The following KAZN variants were observed in gnomAD, a reference collection of about 807,000 sequenced individuals.
KAZN encodes the protein kazrin, periplakin interacting protein, also known as kazrin.
In KAZN, 40 loss-of-function variants were observed where a neutral mutation model predicts 87.4. The observed-to-expected ratio is 0.46, with a 90% CI of 0.36 to 0.60. The LOEUF is 0.60. KAZN is among the 20% of genes least tolerant of loss of function. The pLI is 0.00. For synonymous variants in KAZN, 466 were observed against 458.3 expected, an observed-to-expected ratio of 1.02 and a Z score of -0.22; for missense variants, 898 against 1,073.9, an observed-to-expected ratio of 0.84 and a Z score of 2.29.
chr1:14,099,701 A>C (rs1219739450), intron 1 of KAZN, among the ~76,000 whole-genome samples: 1 of 152,184 alleles, frequency 6.6e-6, no homozygotes, highest in Non-Finnish European at 1.5e-5. Context: ...ACCAAAGCTA[A>C]AATGCAGACA....
intron 1 of KAZN, among the ~76,000 whole-genome samples, chr1:13,955,606 T>C (rs1181561066): frequency 6.6e-6 from 1 of 152,142 alleles, no homozygotes; most frequent in African/African-American, 2.4e-5. Flanking sequence ...AAAGATGTTC[T>C]CCACCTCAGG....
intron 2 of KAZN, among the ~76,000 whole-genome samples, chr1:14,326,354 A>G (rs940827084): frequency 4.6e-5 from 7 of 152,046 alleles, no homozygotes; most frequent in African/African-American, 1.2e-4. Context: ...TATTAGCTCT[A>G]TCCTCTTCAA....
chr1:14,114,394 G>T (rs1307804126), intron 1 of KAZN, among the ~76,000 whole-genome samples: 1 of 152,028 alleles, frequency 6.6e-6, no homozygotes, highest in Admixed American at 6.5e-5. Flanking sequence ...CTGGCGATTT[G>T]CAGAATCAGG....
At chr1:14,194,211 G>C (rs534945966) in intron 2 of KAZN, among the ~76,000 whole-genome samples, 1 of 152,112 alleles carries the variant, frequency 6.6e-6, no homozygotes, top group African/African-American at 2.4e-5. Context: ...ACGCATGGGG[G>C]CAAACAAGCA....
intron 4 of KAZN, 53 bp downstream of exon 4, chr1:15,044,212 T>C (rs1387373528): frequency 9.1e-6 from 11 of 1,210,408 alleles, no homozygotes; most frequent in Non-Finnish European, 1.2e-5. Flanking sequence ...AGTGCCGTGC[T>C]GGGAGCCGGG....
intron 1 of KAZN, among the ~76,000 whole-genome samples, chr1:14,093,313 C>T (rs1224321253): frequency 6.6e-6 from 1 of 152,166 alleles, no homozygotes; most frequent in Admixed American, 6.5e-5. Context: ...TTTAGGAGTC[C>T]TGGACCACCA....
At chr1:14,979,795 C>T (rs76899002) in intron 2 of KAZN, among the ~76,000 whole-genome samples, 2,414 of 152,210 alleles carry the variant, frequency 0.016, 53 homozygotes, top group African/African-American at 0.054. Context: ...ACTGGTATTA[C>T]GGGATTATAA....
chr1:14,930,163 G>GGGGA (rs1166629401), intron 1 of KAZN: 1 of 799,634 alleles, frequency 1.3e-6, no homozygotes, highest in Non-Finnish European at 1.5e-6. Context: ...GCTGGACACT[G>GGGGA]GGGACTGTTT....
chr1:14,894,510 C>A (rs142179076), intron 1 of KAZN, among the ~76,000 whole-genome samples: 58 of 152,338 alleles, frequency 3.8e-4, no homozygotes, highest in African/African-American at 1.2e-3. Flanking sequence ...CCTCATGGCA[C>A]GTGACACTTG....
intron 5 of KAZN, among the ~76,000 whole-genome samples, chr1:15,057,676 G>A (rs1040851772): frequency 1.3e-5 from 2 of 152,162 alleles, no homozygotes; most frequent in South Asian, 2.1e-4. Flanking sequence ...AAAACTGCTC[G>A]GGGCCAGCAT....
At chr1:14,004,972 C>T (rs899279759) in intron 1 of KAZN, among the ~76,000 whole-genome samples, 3 of 151,408 alleles carry the variant, frequency 2.0e-5, no homozygotes, top group Non-Finnish European at 2.9e-5. Flanking sequence ...CATGGGATGC[C>T]ACAGAGAGTC....
chr1:14,596,306 GCGCACACA>G (rs1244946717), upstream of KAZN, among the ~76,000 whole-genome samples: 1 of 61,556 alleles, frequency 1.6e-5, no homozygotes, highest in African/African-American at 1.0e-4. Context: ...GCACACGTGT[GCGCACACA>G]CACACACACA....
At chr1:14,182,925 G>A (rs2100323351) in intron 2 of KAZN, among the ~76,000 whole-genome samples, 1 of 152,212 alleles carries the variant, frequency 6.6e-6, no homozygotes, top group East Asian at 1.9e-4. Context: ...TTTTTGTGTT[G>A]CAGGATGTAA....
chr1:14,675,992 G>A (rs779823345), intron 1 of KAZN, among the ~76,000 whole-genome samples: 4 of 152,160 alleles, frequency 2.6e-5, no homozygotes, highest in South Asian at 2.1e-4. Context: ...TCTGAAAAAG[G>A]GGCCAAAATA....
Position 14,296,629 on chromosome 1 carries a change from CTTTTTTT to C in KAZN, c.249+116055_249+116061del, listed in dbSNP as rs775666706. 8.0e-4 allele frequency among the ~76,000 whole-genome samples: 66 copies of C among 82,764 alleles called. No individual in the cohort carries two copies. In the East Asian group the frequency reaches 0.017, roughly 21 times the overall value. The allele number at this position is 82,764 out of a possible 152,430, so 54.3% of individuals were successfully genotyped here. A position where few individuals can be genotyped will look rare whatever the true frequency, so the allele number is the denominator to read the frequency against. Reference sequence around the variant, plus strand: ...AATGTAGGGCTGAGTTTTTGTATTTCTTTTTTTTTTTTTTTTTTTTTTTTGAGACAAA... The same window carrying C: ...AATGTAGGGCTGAGTTTTTGTATTTCTTTTTTTTTTTTTTTTTGAGACAAA... On this transcript the variant is annotated intron_variant, in intron 2 of 16. Transcript: ENST00000636203.
chr1:14,345,254 G>A (rs6672340), intron 2 of KAZN, among the ~76,000 whole-genome samples: 38,593 of 152,090 alleles, frequency 0.25, 5,299 homozygotes, highest in Non-Finnish European at 0.32. Flanking sequence ...CTGCAGAGGC[G>A]TAAACCAGTG....
chr1:14,467,255 G>A (rs1026731653), intron 2 of KAZN, among the ~76,000 whole-genome samples: 2 of 151,432 alleles, frequency 1.3e-5, no homozygotes, highest in Non-Finnish European at 2.9e-5. Flanking sequence ...GCATTAATTT[G>A]AATTAGATTG....
chr1:13,939,618 T>C (rs1444755868), intron 1 of KAZN, among the ~76,000 whole-genome samples: 1 of 152,236 alleles, frequency 6.6e-6, no homozygotes, highest in African/African-American at 2.4e-5. Context: ...CAAAGTCACT[T>C]CCACATTTTC....
At chr1:14,449,488 G>C (rs1400278064) in intron 2 of KAZN, among the ~76,000 whole-genome samples, 4 of 152,152 alleles carry the variant, frequency 2.6e-5, no homozygotes, top group Admixed American at 6.5e-5. Flanking sequence ...TGGTGATTGG[G>C]GTCCATGCCT....
Sources: gnomAD v4.1 joint callset for allele counts (sites outside exome capture counted in the v4.1 genomes callset) on GRCh38, gnomAD v4.1.1 for gene constraint, MANE v1.5 for transcripts, NCBI Gene and HGNC (gene_info 2026-07-23, HGNC 2026-07-21) for gene names.